The following ASTN1 variants were observed in gnomAD, a reference collection of about 807,000 sequenced individuals.
The protein encoded by ASTN1 is astrotactin-1.
Under a neutral mutation model 140.7 loss-of-function variants are expected in ASTN1, and 41 were observed. The observed-to-expected ratio is 0.29, with a 90% confidence interval of 0.23 to 0.38. ASTN1 has a LOEUF of 0.38. Ranked by LOEUF, ASTN1 falls within the 10% of genes least tolerant of loss-of-function variation. The pLI, the probability that ASTN1 is intolerant of heterozygous loss-of-function variation, is 1.00. For synonymous variants in ASTN1, 640 were observed against 652.2 expected, an observed-to-expected ratio of 0.98 and a Z score of 0.29; for missense variants, 1,479 against 1,678.8, an observed-to-expected ratio of 0.88 and a Z score of 2.08.
At chr1:176,936,038 C>G in intron 15 of ASTN1, 1 of 596,402 alleles carries the variant, frequency 1.7e-6, no homozygotes, top group Non-Finnish European at 3.1e-6. Flanking sequence ...TGCCCTTTCC[C>G]TCTCTTCTGT....
intron 1 of ASTN1, among the ~76,000 whole-genome samples, chr1:177,115,806 C>T (rs1442625933): frequency 6.6e-6 from 1 of 152,036 alleles, no homozygotes; most frequent in Non-Finnish European, 1.5e-5. Flanking sequence ...ATAACTACTG[C>T]TAATATTTCT....
intron 2 of ASTN1, among the ~76,000 whole-genome samples, chr1:177,048,531 C>A (rs1330694926): frequency 6.6e-6 from 1 of 152,168 alleles, no homozygotes; most frequent in Non-Finnish European, 1.5e-5. Context: ...CTAGACCTGC[C>A]AAGAATCACT....
intron 1 of ASTN1, among the ~76,000 whole-genome samples, chr1:177,157,676 G>C (rs1212002570): frequency 6.6e-6 from 1 of 151,894 alleles, no homozygotes. Context: ...CAAGTATCAG[G>C]AACTGCTAGA....
intron 20 of ASTN1, among the ~76,000 whole-genome samples, chr1:176,878,441 G>T (rs891065803): frequency 1.3e-5 from 2 of 151,644 alleles, no homozygotes; most frequent in Admixed American, 1.3e-4. Context: ...AAGCTCAGAG[G>T]GGAGCCCCTA....
In ASTN1 at chr1:176,889,404, A is replaced by T. The variant is rs1167418416; in HGVS notation, c.2941-1200T>A. On this transcript the variant is annotated intron_variant, in intron 17 of 22. Transcript: ENST00000361833. ...TTTGTTTCATTCTCACTACATTCAC[A>T]CCTAATCAGTAAATTAGAAAAGTGA... is the stretch of plus-strand genomic sequence containing the variant. Among the ~76,000 whole-genome samples the T allele has an allele frequency of 2.0e-5, 3 of 152,182 alleles. No homozygotes were observed. The East Asian group carries it at 5.8e-4, about 29-fold the overall frequency.
In ASTN1 at chr1:177,117,981, T is replaced by C. The variant is rs574568234; in HGVS notation, c.283+46413A>G. On this transcript the variant is annotated intron_variant, in intron 1 of 22. Transcript: ENST00000361833. ...CATTTTACACTTACAAAATGTGTTATGTAAAAGGCATAGTGCTAGATTATA... is the reference window on the plus strand; with the variant it reads ...CATTTTACACTTACAAAATGTGTTACGTAAAAGGCATAGTGCTAGATTATA... Among the ~76,000 whole-genome samples the C allele has an allele frequency of 3.9e-5, 6 of 152,368 alleles. No homozygotes were observed. The East Asian group carries it at 1.2e-3, about 29-fold the overall frequency.
chr1:177,100,192 A>G (rs984283959), intron 1 of ASTN1, among the ~76,000 whole-genome samples: 5 of 152,144 alleles, frequency 3.3e-5, no homozygotes, highest in Admixed American at 6.6e-5. Flanking sequence ...TGATGACAAT[A>G]ATGAAATTTC....
chr1:177,114,364 T>C (rs1390168965), intron 1 of ASTN1, among the ~76,000 whole-genome samples: 1 of 152,126 alleles, frequency 6.6e-6, no homozygotes, highest in Admixed American at 6.5e-5. Flanking sequence ...TTTTTCCTAT[T>C]AGAGCAGAAT....
At chr1:177,137,416 T>C (rs1185790113) in intron 1 of ASTN1, among the ~76,000 whole-genome samples, 1 of 151,394 alleles carries the variant, frequency 6.6e-6, no homozygotes, top group African/African-American at 2.4e-5. Context: ...AAGAAAAGAG[T>C]TCAAGGATAT....
intron 8 of ASTN1, among the ~76,000 whole-genome samples, chr1:176,988,051 G>A (rs1455748736): frequency 1.3e-5 from 2 of 152,128 alleles, no homozygotes; most frequent in African/African-American, 4.8e-5. Context: ...GCATCAGGGT[G>A]GGAACAGGTC....
chr1:176,979,719 C>G lies in ASTN1; in HGVS notation c.1524-14482G>C, dbSNP rs149553794. On this transcript the variant is annotated intron_variant, in intron 8 of 22. Transcript: ENST00000361833. ...AACAAAACAAAACAAAAAAACAAAG[C>G]CAAACTGTTTAATGAATGATTCTGG... Among the ~76,000 whole-genome samples, 33 of 152,062 alleles carry G rather than the reference C, an allele frequency of 2.2e-4. No individual in the cohort carries two copies. In the East Asian group the frequency reaches 6.4e-3, roughly 29 times the overall value.
intron 7 of ASTN1, among the ~76,000 whole-genome samples, chr1:177,019,547 C>T (rs1675715067): frequency 6.6e-6 from 1 of 152,182 alleles, no homozygotes; most frequent in Non-Finnish European, 1.5e-5. Context: ...GGCAGGCATA[C>T]CTTGGGGTAC....
chr1:176,875,221 G>C (rs966766647), intron 21 of ASTN1, among the ~76,000 whole-genome samples: 8 of 152,134 alleles, frequency 5.3e-5, no homozygotes, highest in African/African-American at 9.7e-5. Flanking sequence ...ACCAATGTGT[G>C]CAAAGGCCTC....
intron 16 of ASTN1, among the ~76,000 whole-genome samples, chr1:176,927,375 A>T (rs550362381): frequency 6.6e-6 from 1 of 152,206 alleles, no homozygotes; most frequent in African/African-American, 2.4e-5. Flanking sequence ...GGTCAGATCT[A>T]AAGCAACAAT....
intron 2 of ASTN1, among the ~76,000 whole-genome samples, chr1:177,057,026 C>A (rs1033878415): frequency 1.3e-5 from 2 of 152,064 alleles, no homozygotes; most frequent in African/African-American, 2.4e-5. Flanking sequence ...AACTATCTTG[C>A]AAAATTTGAA....
intron 18 of ASTN1, 125 bp downstream of exon 18, chr1:176,887,946 C>T: frequency 2.2e-6 from 3 of 1,358,888 alleles, no homozygotes; most frequent in Non-Finnish European, 2.0e-6. Flanking sequence ...ATTGAAAGCT[C>T]TCTAAAGGCA....
intron 1 of ASTN1, among the ~76,000 whole-genome samples, chr1:177,074,445 T>A (rs1275169820): frequency 8.5e-5 from 13 of 152,214 alleles, no homozygotes; most frequent in Non-Finnish European, 1.6e-4. Flanking sequence ...TAAGTCGATC[T>A]CCTTGATCAC....
chr1:176,956,949 G>A (rs981857676), intron 11 of ASTN1, among the ~76,000 whole-genome samples: 17 of 152,122 alleles, frequency 1.1e-4, no homozygotes, highest in African/African-American at 3.9e-4. Context: ...CCAGGTTGAA[G>A]TGCAGTGGCA....
At chr1:177,017,254 T>C (rs1675594586) in intron 7 of ASTN1, among the ~76,000 whole-genome samples, 1 of 152,210 alleles carries the variant, frequency 6.6e-6, no homozygotes, top group Non-Finnish European at 1.5e-5. Context: ...TTCCTCCACA[T>C]AATGGCAGAT....
Sources: allele counts gnomAD v4.1 joint callset (sites outside exome capture counted in the v4.1 genomes callset), GRCh38; gene constraint gnomAD v4.1.1; transcripts MANE v1.5; gene names NCBI Gene and HGNC (gene_info 2026-07-23, HGNC 2026-07-21).